The following CLSTN2 variants were observed in gnomAD, a reference collection of about 807,000 sequenced individuals.
The protein encoded by CLSTN2 is calsyntenin-2.
A neutral mutation model predicts 101.2 loss-of-function variants in CLSTN2; 48 were observed. The observed-to-expected ratio is 0.47, with a 90% CI of 0.38 to 0.60. The LOEUF (loss-of-function observed/expected upper bound fraction) is 0.60, where lower values mean the gene tolerates loss of function less well. Ranked by LOEUF, CLSTN2 falls within the 20% of genes least tolerant of loss-of-function variation. The probability of loss-of-function intolerance (pLI) is 0.00; values close to 1 mark genes in which losing one functional copy is unlikely to be tolerated. For synonymous variants in CLSTN2, 481 were observed against 463.6 expected (o/e 1.04, Z -0.48); for missense variants, 1,160 against 1,238.2 (o/e 0.94, Z 0.95).
intron 1 of CLSTN2, among the ~76,000 whole-genome samples, chr3:140,022,676 TG>T (rs1294777901): frequency 6.6e-6 from 1 of 152,106 alleles, no homozygotes; most frequent in Non-Finnish European, 1.5e-5. Flanking sequence ...TGCTGCTGTG[TG>T]GAGAATGGGA....
intron 8 of CLSTN2, among the ~76,000 whole-genome samples, chr3:140,479,241 A>G (rs1210365107): frequency 6.6e-6 from 1 of 152,228 alleles, no homozygotes; most frequent in South Asian, 2.1e-4. Flanking sequence ...TGCAGAAGAA[A>G]TACACCTTAA....
chr3:140,008,288 A>T (rs1346066553), intron 1 of CLSTN2, among the ~76,000 whole-genome samples: 1 of 152,206 alleles, frequency 6.6e-6, no homozygotes, highest in Admixed American at 6.5e-5. Flanking sequence ...GGCCTGTGTG[A>T]CCATGCTTCT....
intron 2 of CLSTN2, among the ~76,000 whole-genome samples, chr3:140,229,895 C>G (rs372878439): frequency 3.3e-5 from 5 of 152,264 alleles, no homozygotes; most frequent in African/African-American, 1.2e-4. Context: ...CTCATACTCA[C>G]AGTGTATCCT....
intron 1 of CLSTN2, among the ~76,000 whole-genome samples, chr3:140,127,119 G>A (rs2009447949): frequency 6.6e-6 from 1 of 151,864 alleles, no homozygotes; most frequent in Admixed American, 6.6e-5. Context: ...TAAAGTCTGG[G>A]AGAAATGGAT....
intron 2 of CLSTN2, among the ~76,000 whole-genome samples, chr3:140,238,471 T>A (rs952078032): frequency 1.3e-5 from 2 of 152,204 alleles, no homozygotes; most frequent in African/African-American, 2.4e-5. Context: ...TTATTTTAAT[T>A]CTACTAGGAA....
rs1985709333 is a variant in CLSTN2, at chr3:140,575,665, G to T, written c.*9412G>T. 6.6e-6 allele frequency: 1 copy of T among 152,164 alleles called. No individual in the cohort carries two copies. The highest frequency in any genetic ancestry group is 2.4e-5 in the African/African-American group (1 of 41,424). The allele number at this position is 152,164 out of a possible 1,614,324, so 9.4% of individuals were successfully genotyped here. Reference sequence around the variant, plus strand: ...AGAAATCTGTAGGTGTTAGAGCTGGGTTTGTTATGTTATTGTCAGGGACAT... The same window carrying T: ...AGAAATCTGTAGGTGTTAGAGCTGGTTTTGTTATGTTATTGTCAGGGACAT... On this transcript the variant is annotated 3_prime_UTR_variant, in exon 17 of 17. Transcript: ENST00000458420.
At chr3:140,552,817 C>A (rs1002978751) in intron 10 of CLSTN2, among the ~76,000 whole-genome samples, 1 of 152,096 alleles carries the variant, frequency 6.6e-6, no homozygotes, top group Admixed American at 6.5e-5. Flanking sequence ...AGGATGCAGA[C>A]GGACAGATAG....
At chr3:140,219,653 C>T (rs2086248977) in intron 2 of CLSTN2, among the ~76,000 whole-genome samples, 1 of 152,192 alleles carries the variant, frequency 6.6e-6, no homozygotes, top group African/African-American at 2.4e-5. Context: ...TGATTGCGCC[C>T]AGCCCTTCCA....
intron 8 of CLSTN2, chr3:140,508,427 C>G (rs1934727863): frequency 6.6e-6 from 1 of 152,176 alleles, no homozygotes; most frequent in African/African-American, 2.4e-5. Flanking sequence ...TCTGCCAATA[C>G]ATACTAATTG....
At chr3:140,172,579 C>A (rs1020976460) in intron 1 of CLSTN2, among the ~76,000 whole-genome samples, 2 of 152,142 alleles carry the variant, frequency 1.3e-5, no homozygotes, top group Non-Finnish European at 2.9e-5. Context: ...CAGAGTACCA[C>A]AAACTGGGTG....
At chr3:140,260,324 C>T (rs368126145) in intron 2 of CLSTN2, among the ~76,000 whole-genome samples, 1 of 151,924 alleles carries the variant, frequency 6.6e-6, no homozygotes, top group Admixed American at 6.6e-5. Context: ...TGTCTTACAC[C>T]ATTAAGTATG....
At chr3:140,341,659 C>A (rs911540537) in intron 2 of CLSTN2, among the ~76,000 whole-genome samples, 1 of 152,214 alleles carries the variant, frequency 6.6e-6, no homozygotes. Context: ...AGCTCAGGAC[C>A]AGGCACACTG....
chr3:140,456,189 G>A (rs1409837924), intron 6 of CLSTN2, among the ~76,000 whole-genome samples: 2 of 152,118 alleles, frequency 1.3e-5, no homozygotes, highest in African/African-American at 2.4e-5. Flanking sequence ...CCCTCTCTGG[G>A]CCTCAGTTTC....
chr3:140,191,926 G>A (rs926715275), intron 2 of CLSTN2, among the ~76,000 whole-genome samples: 15 of 151,874 alleles, frequency 9.9e-5, no homozygotes, highest in African/African-American at 3.6e-4. Context: ...AGATGTTTAA[G>A]GTGGGAGCTT....
At chr3:140,224,950 C>A (rs1188147106) in intron 2 of CLSTN2, among the ~76,000 whole-genome samples, 3 of 152,172 alleles carry the variant, frequency 2.0e-5, no homozygotes, top group South Asian at 4.1e-4. Context: ...GCCAAGCAAC[C>A]CAAGGAAGGG....
chr3:140,454,036 T>G (rs1451241578), intron 6 of CLSTN2, among the ~76,000 whole-genome samples: 1 of 152,194 alleles, frequency 6.6e-6, no homozygotes, highest in African/African-American at 2.4e-5. Context: ...GTGCCTCCAT[T>G]CGCAGAGAGA....
chr3:140,485,553 G>T (rs993249893), intron 8 of CLSTN2, among the ~76,000 whole-genome samples: 1 of 152,196 alleles, frequency 6.6e-6, no homozygotes, highest in South Asian at 2.1e-4. Flanking sequence ...TGCCCCCAGA[G>T]GTGGAGTCTA....
At position 140,059,016 on chromosome 3, in the gene CLSTN2, G is replaced by C. The variant is rs144675002; in HGVS notation, c.110-116935G>C. On this transcript the variant is annotated intron_variant, in intron 1 of 16. Transcript: ENST00000458420. ...AAAGTTTGGCACCCAATTAGCAGAA[G>C]TTAGGCATGTAAAGACCCATGGCAG... Among the ~76,000 whole-genome samples the C allele has an allele frequency of 4.0e-5, 6 of 150,434 alleles. No homozygotes were observed. In the South Asian group the frequency reaches 8.3e-4, roughly 21 times the overall value.
At chr3:140,234,153 T>A (rs6439905) in intron 2 of CLSTN2, among the ~76,000 whole-genome samples, 81,851 of 152,164 alleles carry the variant, frequency 0.54, 22,729 homozygotes, top group East Asian at 0.88. Flanking sequence ...AGGGTCACGG[T>A]CACAAATCCA....
Sources: gnomAD v4.1 joint callset for allele counts (sites outside exome capture counted in the v4.1 genomes callset) on GRCh38, gnomAD v4.1.1 for gene constraint, MANE v1.5 for transcripts, NCBI Gene and HGNC (gene_info 2026-07-23, HGNC 2026-07-21) for gene names.